The following TMCC3 variants were observed in gnomAD, a reference collection of about 807,000 sequenced individuals.
The protein encoded by TMCC3 is transmembrane and coiled-coil domain protein 3.
Under a neutral mutation model 40.2 loss-of-function variants are expected in TMCC3, and 28 were observed. The ratio of observed to expected loss-of-function variants is 0.70; its 90% CI spans 0.52 to 0.95. The LOEUF is 0.95. TMCC3 is among the 40% of genes least tolerant of loss of function. The probability of loss-of-function intolerance (pLI) is 0.00; values close to 1 mark genes in which losing one functional copy is unlikely to be tolerated. For missense variants in TMCC3, 554 were observed against 615.2 expected (o/e 0.90, Z 1.05); for synonymous variants, 255 against 248.5 (o/e 1.03, Z -0.25).
At chr12:94,634,190 C>G (rs2138878957) in intron 1 of TMCC3, among the ~76,000 whole-genome samples, 1 of 152,124 alleles carries the variant, frequency 6.6e-6, no homozygotes, top group Admixed American at 6.5e-5. Flanking sequence ...GGCAATCCGC[C>G]CGGCTGGGCC....
chr12:94,583,247 A>C (rs2068617962), intron 1 of TMCC3, among the ~76,000 whole-genome samples: 1 of 151,338 alleles, frequency 6.6e-6, no homozygotes, highest in Non-Finnish European at 1.5e-5. Context: ...GCTCACACCT[A>C]TAATCCCAGC....
rs185898384 is a variant in TMCC3 at position 94,642,423 on chromosome 12, G to A, written c.78+7930C>T. Among the ~76,000 whole-genome samples the A allele has an allele frequency of 5.3e-3, 805 of 152,330 alleles. 6 individuals are homozygous for A. The highest frequency in any genetic ancestry group is 0.018 in the African/African-American group (767 of 41,564). On this transcript the variant is annotated intron_variant, in intron 1 of 3. Transcript: ENST00000261226. ...TTCAGTCAAGCCAGGGTTCCACAGG[G>A]AGTTCTGGTGTGGACACCGGGCTAT...
chr12:94,627,454 T>C (rs548283045), intron 1 of TMCC3, among the ~76,000 whole-genome samples: 144 of 152,286 alleles, frequency 9.5e-4, no homozygotes, highest in African/African-American at 3.3e-3. Context: ...CAATTTCTTT[T>C]CAATCCAACA....
In TMCC3 at chr12:94,640,960, G is replaced by C. The variant is rs544513599; in HGVS notation, c.78+9393C>G. ...CATGCCTGTAATCCCAGCACTTTGG[G>C]AGGCCAAGGCAGGCAGATCACCTGA... On this transcript the variant is annotated intron_variant, in intron 1 of 3. Coordinates refer to ENST00000261226, the MANE Select transcript of TMCC3 (RefSeq NM_020698.4). Among the ~76,000 whole-genome samples the C allele has an allele frequency of 8.5e-5, 13 of 152,354 alleles. No homozygotes were observed. In the South Asian group the frequency reaches 2.7e-3, roughly 32 times the overall value.
intron 1 of TMCC3, among the ~76,000 whole-genome samples, chr12:94,648,600 A>C (rs563829792): frequency 6.6e-6 from 1 of 152,366 alleles, no homozygotes; most frequent in African/African-American, 2.4e-5. Context: ...TGGCGTAGAC[A>C]GGCAACAGTG....
At chr12:94,639,368 G>A (rs1169011566) in intron 1 of TMCC3, among the ~76,000 whole-genome samples, 1 of 152,114 alleles carries the variant, frequency 6.6e-6, no homozygotes, top group Non-Finnish European at 1.5e-5. Context: ...GATCACTTGA[G>A]GCCAGGAGTT....
At chr12:94,590,321 G>A (rs2068666169) in intron 1 of TMCC3, among the ~76,000 whole-genome samples, 1 of 139,480 alleles carries the variant, frequency 7.2e-6, no homozygotes, top group South Asian at 2.2e-4. Context: ...GGCCAGGCTG[G>A]TCTTGTACTC....
At chr12:94,578,165 A>AAAAAAAAGAAAG (rs1467855760) in intron 3 of TMCC3, among the ~76,000 whole-genome samples, 9 of 123,370 alleles carry the variant, frequency 7.3e-5, no homozygotes, top group African/African-American at 3.1e-4. Flanking sequence ...AAAAAAAAAA[A>AAAAAAAAGAAAG]AAAGAAAAAG....
intron 1 of TMCC3, among the ~76,000 whole-genome samples, chr12:94,613,127 T>C (rs547257175): frequency 6.9e-6 from 1 of 145,362 alleles, no homozygotes; most frequent in Admixed American, 6.8e-5. Flanking sequence ...CACACACACA[T>C]TGTGTTTATT....
At position 94,578,165 on chromosome 12, in the gene TMCC3, A is replaced by AAAAAAAAAAAAAAG. The variant is rs1467855760; in HGVS notation, c.1131+228_1131+229insCTTTTTTTTTTTTT. The stretch of plus-strand genomic sequence containing the variant: ...TCACCTCAAAAAAAAAAAAAAAAAA[A>AAAAAAAAAAAAAAG]AAAGAAAAAGAAAAAGAAAAAAAAA... On this transcript the variant is annotated intron_variant, in intron 3 of 3. Coordinates refer to ENST00000261226, the MANE Select transcript of TMCC3 (RefSeq NM_020698.4). Among the ~76,000 whole-genome samples the AAAAAAAAAAAAAAG allele has an allele frequency of 4.8e-3, 584 of 122,794 alleles. 9 individuals are homozygous for AAAAAAAAAAAAAAG. Among genetic ancestry groups the AAAAAAAAAAAAAAG allele is most frequent in the Middle Eastern group, 0.01 (2 of 192 alleles). 80.6% of individuals were successfully genotyped at this position (122,794 alleles called of 152,430 possible). A position where few individuals can be genotyped will look rare whatever the true frequency, so the allele number is the denominator to read the frequency against.
Position 94,650,527 on chromosome 12 carries a change from G to A in TMCC3, c.-97C>T, listed in dbSNP as rs1195929537. On this transcript the variant is annotated 5_prime_UTR_variant, in exon 1 of 4. Transcript: ENST00000261226. The stretch of plus-strand genomic sequence containing the variant: ...ATCACCCTGGGAGCCGCGGGCGAGG[G>A]GGCGGCGCGGCTGCTGCAGCTGTTG... 2.4e-5 allele frequency: 24 copies of A among 1,005,738 alleles called. No individual in the cohort carries two copies. In the South Asian group the frequency reaches 2.8e-4, roughly 12 times the overall value. The allele number at this position is 1,005,738 out of a possible 1,614,324, so 62.3% of individuals were successfully genotyped here.
At chr12:94,632,475 T>C (rs972266795) in intron 1 of TMCC3, among the ~76,000 whole-genome samples, 11 of 152,218 alleles carry the variant, frequency 7.2e-5, no homozygotes, top group African/African-American at 1.9e-4. Context: ...AACACCTACA[T>C]AGACAATCTA....
chr12:94,603,406 C>T (rs549510565), intron 1 of TMCC3, among the ~76,000 whole-genome samples: 2 of 152,042 alleles, frequency 1.3e-5, no homozygotes, highest in Middle Eastern at 6.9e-3. Flanking sequence ...CATGAGCCAT[C>T]CCTTTATAAT....
chr12:94,629,803 G>A (rs983052308), intron 1 of TMCC3, among the ~76,000 whole-genome samples: 1 of 152,260 alleles, frequency 6.6e-6, no homozygotes, highest in East Asian at 1.9e-4. Flanking sequence ...GCATAAATGT[G>A]ATTTATCTTC....
intron 1 of TMCC3, among the ~76,000 whole-genome samples, chr12:94,639,628 A>G (rs1267123432): frequency 1.3e-5 from 2 of 151,370 alleles, no homozygotes; most frequent in East Asian, 1.9e-4. Context: ...CATTTGGTAT[A>G]CAAGGATTTA....
In TMCC3 at chr12:94,578,004, C is replaced by T. The variant is rs531737819; in HGVS notation, c.1131+390G>A. Among the ~76,000 whole-genome samples the T allele has an allele frequency of 4.6e-5, 7 of 151,636 alleles. No individual in the cohort carries two copies. The East Asian group carries it at 7.8e-4, about 17-fold the overall frequency. On this transcript the variant is annotated intron_variant, in intron 3 of 3. Coordinates refer to ENST00000261226, the MANE Select transcript of TMCC3 (RefSeq NM_020698.4). ...TCTACTAAAAATACAAAAAAATTAG[C>T]CAGGCATGGTGGCATGTGCCTATAG...
chr12:94,594,347 C>T (rs2068702678), intron 1 of TMCC3, among the ~76,000 whole-genome samples: 1 of 152,056 alleles, frequency 6.6e-6, no homozygotes, highest in Admixed American at 6.6e-5. Context: ...CTCACCCTAA[C>T]CTCCCAAAGT....
At chr12:94,592,661 CAAAA>C (rs869058316) in intron 1 of TMCC3, among the ~76,000 whole-genome samples, 766 of 27,502 alleles carry the variant, frequency 0.028, 35 homozygotes, top group Non-Finnish European at 0.037. Context: ...GGCTCCATCT[CAAAA>C]AAAAAAAAAA....
chr12:94,617,479 G>C (rs556110586), intron 1 of TMCC3, among the ~76,000 whole-genome samples: 20 of 152,308 alleles, frequency 1.3e-4, no homozygotes, highest in African/African-American at 4.8e-4. Flanking sequence ...AAACAGAAGA[G>C]ATTTAATATT....
Sources: gnomAD v4.1 joint callset for allele counts (sites outside exome capture counted in the v4.1 genomes callset) on GRCh38, gnomAD v4.1.1 for gene constraint, MANE v1.5 for transcripts, NCBI Gene and HGNC (gene_info 2026-07-23, HGNC 2026-07-21) for gene names.